POLR1F: variants seen among roughly 807,000 people sequenced by gnomAD.
POLR1F encodes the protein RNA polymerase I subunit F.
POLR1F carries 23 observed loss-of-function variants against 21.8 expected under a neutral mutation model. The ratio of observed to expected loss-of-function variants is 1.05; its 90% CI spans 0.76 to 1.49. The LOEUF (loss-of-function observed/expected upper bound fraction) is 1.49, where lower values mean the gene tolerates loss of function less well. Among genes scored for constraint, POLR1F ranks in the 40% most tolerant of loss-of-function variants. The pLI, the probability that POLR1F is intolerant of heterozygous loss-of-function variation, is 0.00. For missense variants in POLR1F, 435 were observed against 412.1 expected (o/e 1.06, Z -0.48); for synonymous variants, 162 against 152.8 (o/e 1.06, Z -0.45).
chr7:19,700,289 A>G lies in POLR1F; in HGVS notation c.397-9T>C. ...ACTTTATTAACTATACCCTGGGAAG[A>G]AGAAGGAAGAAAGAGCGTAACATAA... is the stretch of plus-strand genomic sequence containing the variant. On this transcript the variant is annotated splice_polypyrimidine_tract_variant and intron_variant, in intron 2 of 3. Coordinates refer to ENST00000222567, the MANE Select transcript of POLR1F (RefSeq NM_001002926.2). The G allele has an allele frequency of 1.2e-6, 2 of 1,609,194 alleles. No homozygotes were observed. Among genetic ancestry groups the G allele is most frequent in the East Asian group, 4.5e-5 (2 of 44,828 alleles).
intron 3 of POLR1F, among the ~76,000 whole-genome samples, chr7:19,699,093 T>C (rs139620666): frequency 0.023 from 3,489 of 152,212 alleles, 69 homozygotes; most frequent in Non-Finnish European, 0.031. Context: ...AACACCACAA[T>C]ACCTAGGCTT....
intron 1 of POLR1F, 30 bp from the exon 2 acceptor site, chr7:19,704,950 C>CT: frequency 6.5e-7 from 1 of 1,535,594 alleles, no homozygotes; most frequent in Non-Finnish European, 8.7e-7. Context: ...AAAATGATAC[C>CT]TTTTATCGTC....
Position 19,698,657 on chromosome 7 carries a change from GT to G in POLR1F, c.675del (p.Lys225AsnfsTer23). On this transcript the variant is annotated frameshift_variant, in exon 4 of 4. Transcript: ENST00000222567. LOFTEE classifies it low-confidence loss of function (END_TRUNC). ...TCTTTCTTCTTTTTCTTCTTTTTAG[GT>G]TTTTTAGCAGCTTCCTCAGTGCCAT... ...TENGTEEAAKKPKKKKKKKDP... is the reference protein window; with the variant it reads ...TENGTEEAAKXPKKKKKKKDP... 1 of 1,590,476 alleles carries G rather than the reference GT, an allele frequency of 6.3e-7. No homozygotes were observed. Among genetic ancestry groups the G allele is most frequent in the South Asian group, 1.2e-5 (1 of 85,446 alleles).
At position 19,697,840 on chromosome 7, in the gene POLR1F, GA is replaced by G. The variant is rs1370245691; in HGVS notation, c.*475del. 2 of 152,478 alleles carry G rather than the reference GA, an allele frequency of 1.3e-5. No homozygotes were observed. Among genetic ancestry groups the G allele is most frequent in the African/African-American group, 4.8e-5 (2 of 41,434 alleles). The allele number at this position is 152,478 out of a possible 1,614,324, so 9.4% of individuals were successfully genotyped here. A position where few individuals can be genotyped will look rare whatever the true frequency, so the allele number is the denominator to read the frequency against. ...TATGTTAAACAATAGAAATACTGTA[GA>G]AAGCCATGATAAAGGAAAACCTAAA... On this transcript the variant is annotated 3_prime_UTR_variant, in exon 4 of 4. Coordinates refer to ENST00000222567, the MANE Select transcript of POLR1F (RefSeq NM_001002926.2).
At chr7:19,702,884 C>T (rs546713332) in intron 2 of POLR1F, among the ~76,000 whole-genome samples, 15 of 152,174 alleles carry the variant, frequency 9.9e-5, no homozygotes, top group South Asian at 4.1e-4. Context: ...ATGTTAATAA[C>T]GATACAGAGT....
At position 19,700,052 on chromosome 7, in the gene POLR1F, T is replaced by G. The variant is rs768439984; in HGVS notation, c.605+20A>C. ...ATAGAAATTAAGTACCTAGTGATAA[T>G]TACGTAATGATAAACTAACCTTGTG... On this transcript the variant is annotated intron_variant, in intron 3 of 3. Coordinates refer to ENST00000222567, the MANE Select transcript of POLR1F (RefSeq NM_001002926.2). The G allele has an allele frequency of 6.3e-7, 1 of 1,585,162 alleles. No homozygotes were observed. Among genetic ancestry groups the G allele is most frequent in the Admixed American group, 1.7e-5 (1 of 59,916 alleles).
At chr7:19,703,869 T>C (rs1783481408) in intron 2 of POLR1F, among the ~76,000 whole-genome samples, 1 of 152,220 alleles carries the variant, frequency 6.6e-6, no homozygotes, top group Admixed American at 6.5e-5. Flanking sequence ...GCTGTGATTG[T>C]AGGTGTGAGC....
chr7:19,703,072 A>T (rs1405008246), intron 2 of POLR1F, among the ~76,000 whole-genome samples: 1 of 152,200 alleles, frequency 6.6e-6, no homozygotes, highest in Admixed American at 6.5e-5. Context: ...CCTGGAATCA[A>T]TCCATCAATG....
chr7:19,700,017 T>C (rs1783428446), intron 3 of POLR1F, 55 bp downstream of exon 3: 1 of 1,426,496 alleles, frequency 7.0e-7, no homozygotes, highest in Admixed American at 1.7e-5. Flanking sequence ...TCTTTAAAAT[T>C]CAGAATTAAA....
intron 1 of POLR1F, among the ~76,000 whole-genome samples, chr7:19,707,790 A>G (rs991932786): frequency 3.3e-5 from 5 of 152,124 alleles, no homozygotes; most frequent in African/African-American, 1.2e-4. Context: ...TTGTATCTCA[A>G]GTGTTCGGTA....
At chr7:19,701,415 A>G (rs1291533155) in intron 2 of POLR1F, among the ~76,000 whole-genome samples, 1 of 152,208 alleles carries the variant, frequency 6.6e-6, no homozygotes, top group Non-Finnish European at 1.5e-5. Context: ...GTGGAGCACA[A>G]GCGGTTTTTA....
At chr7:19,707,133 C>T (rs1783536465) in intron 1 of POLR1F, among the ~76,000 whole-genome samples, 2 of 152,190 alleles carry the variant, frequency 1.3e-5, no homozygotes, top group Admixed American at 1.3e-4. Flanking sequence ...TAATCATTTT[C>T]TCTTGGACAA....
At position 19,696,067 on chromosome 7, in the gene POLR1F, G is replaced by C. The variant is rs1444211262; in HGVS notation, c.*2249C>G. 1.3e-5 allele frequency: 2 copies of C among 152,102 alleles called. No homozygotes were observed. The highest frequency in any genetic ancestry group is 1.3e-4 in the Admixed American group (2 of 15,274). 9.4% of individuals were successfully genotyped at this position (152,102 alleles called of 1,614,324 possible). A position where few individuals can be genotyped will look rare whatever the true frequency, so the allele number is the denominator to read the frequency against. On this transcript the variant is annotated 3_prime_UTR_variant, in exon 4 of 4. Coordinates refer to ENST00000222567, the MANE Select transcript of POLR1F (RefSeq NM_001002926.2). ...GATAGGAACTGGAGAGAGGGTAAGGGATCTAGTCTAGGCTATAGGGTTTGT... is the reference window on the plus strand; with the variant it reads ...GATAGGAACTGGAGAGAGGGTAAGGCATCTAGTCTAGGCTATAGGGTTTGT...
chr7:19,706,386 G>T (rs62454509), intron 1 of POLR1F, among the ~76,000 whole-genome samples: 7,448 of 152,218 alleles, frequency 0.049, 204 homozygotes, highest in Middle Eastern at 0.099. Context: ...CTTTATTTCC[G>T]CTAATCAAAG....
At chr7:19,708,613 A>T in intron 1 of POLR1F, 150 bp downstream of exon 1, 1 of 1,055,998 alleles carries the variant, frequency 9.5e-7, no homozygotes, top group African/African-American at 1.6e-5. Flanking sequence ...ACTGGCCTTG[A>T]GGGACGGATC....
rs1334219870 is a variant in POLR1F at position 19,695,947 on chromosome 7, C to G, written c.*2369G>C. ...CATTTATACTTGTGTATCTTATAGACAAAACGGTAAGCCCTTAAGAGCAGA... is the reference window on the plus strand; with the variant it reads ...CATTTATACTTGTGTATCTTATAGAGAAAACGGTAAGCCCTTAAGAGCAGA... On this transcript the variant is annotated 3_prime_UTR_variant, in exon 4 of 4. Transcript: ENST00000222567. 6.6e-6 allele frequency: 1 copy of G among 152,112 alleles called. No individual in the cohort carries two copies. The highest frequency in any genetic ancestry group is 1.5e-5 in the Non-Finnish European group (1 of 67,958). 9.4% of individuals were successfully genotyped at this position (152,112 alleles called of 1,614,324 possible).
chr7:19,702,867 A>G lies in POLR1F; in HGVS notation c.396+1912T>C, dbSNP rs183337564. ...TGCCCATCAGTACAATTAAAGGACA[A>G]TAGCAAATGTTAATAACGATACAGA... On this transcript the variant is annotated intron_variant, in intron 2 of 3. Coordinates refer to ENST00000222567, the MANE Select transcript of POLR1F (RefSeq NM_001002926.2). Among the ~76,000 whole-genome samples, 6 of 152,352 alleles carry G rather than the reference A, an allele frequency of 3.9e-5. No individual in the cohort carries two copies. In the East Asian group the frequency reaches 1.2e-3, roughly 29 times the overall value.
chr7:19,708,887 G>A lies in POLR1F; in HGVS notation c.130C>T (p.Arg44Cys). ...GGCCCGGCCACCAGGCATGAGTAGC[G>A]ACTGTTCACCAGCGCACAAGCAGCG... ...YAAACALVNS[R>C]YSCLVAGPHQ... Residue 44 changes from arginine (R) to cysteine (C), a missense_variant, in exon 1 of 4, where the codon CGC (arginine) becomes TGC (cysteine). Coordinates refer to ENST00000222567, the MANE Select transcript of POLR1F (RefSeq NM_001002926.2). 1 of 1,614,138 alleles carries A rather than the reference G, an allele frequency of 6.2e-7. No homozygotes were observed. Among genetic ancestry groups the A allele is most frequent in the Non-Finnish European group, 8.5e-7 (1 of 1,180,004 alleles).
intron 2 of POLR1F, among the ~76,000 whole-genome samples, chr7:19,701,901 G>A (rs943056746): frequency 2.6e-5 from 4 of 152,010 alleles, no homozygotes; most frequent in Non-Finnish European, 4.4e-5. Context: ...AGGGCCAGCG[G>A]CAGTGACAAA....
Sources: gnomAD v4.1 joint callset for allele counts (sites outside exome capture counted in the v4.1 genomes callset) on GRCh38, gnomAD v4.1.1 for gene constraint, MANE v1.5 for transcripts, NCBI Gene and HGNC (gene_info 2026-07-23, HGNC 2026-07-21) for gene names.